CACNB2: variants seen among roughly 807,000 people sequenced by gnomAD.
CACNB2 encodes the protein calcium voltage-gated channel auxiliary subunit beta 2.
CACNB2 carries 42 observed loss-of-function variants against 73.3 expected under a neutral mutation model. That is an observed-to-expected ratio of 0.57 (90% CI 0.45 to 0.74). The LOEUF (loss-of-function observed/expected upper bound fraction) is 0.74, where lower values mean the gene tolerates loss of function less well. CACNB2 is among the 30% of genes least tolerant of loss of function. CACNB2 has a pLI of 0.00. For synonymous variants in CACNB2, 348 were observed against 310.3 expected (o/e 1.12, Z -1.28); for missense variants, 940 against 853.0 (o/e 1.10, Z -1.27).
chr10:18,524,654 TA>T (rs35663592), intron 9 of CACNB2, among the ~76,000 whole-genome samples: 65,257 of 116,818 alleles, frequency 0.56, 17,723 homozygotes, highest in East Asian at 0.85. Context: ...GACTCTATCT[TA>T]AAAAAAAAAA....
At chr10:18,216,893 C>T (rs1173132905) in intron 2 of CACNB2, among the ~76,000 whole-genome samples, 1 of 152,148 alleles carries the variant, frequency 6.6e-6, no homozygotes, top group Non-Finnish European at 1.5e-5. Flanking sequence ...CATGTGAGAC[C>T]AGGTCAGAAT....
At chr10:18,171,462 G>A (rs1376715963) in intron 2 of CACNB2, among the ~76,000 whole-genome samples, 1 of 131,848 alleles carries the variant, frequency 7.6e-6, no homozygotes, top group East Asian at 2.4e-4. Flanking sequence ...ATTTCCCCAT[G>A]CAGGCAGCAA....
intron 2 of CACNB2, among the ~76,000 whole-genome samples, chr10:18,169,401 G>A (rs772937186): frequency 6.6e-6 from 1 of 152,024 alleles, no homozygotes; most frequent in African/African-American, 2.4e-5. Flanking sequence ...ATTACAAAAG[G>A]CATATAATAC....
chr10:18,409,420 G>T (rs1234924433), intron 3 of CACNB2, among the ~76,000 whole-genome samples: 8 of 151,998 alleles, frequency 5.3e-5, no homozygotes, highest in African/African-American at 1.9e-4. Flanking sequence ...CTACAGATAT[G>T]AACCACTGTG....
At chr10:18,221,805 A>G (rs1364206647) in intron 2 of CACNB2, among the ~76,000 whole-genome samples, 1 of 152,182 alleles carries the variant, frequency 6.6e-6, no homozygotes. Context: ...CCTCTAGTAT[A>G]GTTTTCTTTT....
At chr10:18,323,198 A>C (rs1043706517) in intron 2 of CACNB2, among the ~76,000 whole-genome samples, 4 of 151,764 alleles carry the variant, frequency 2.6e-5, no homozygotes, top group Non-Finnish European at 4.4e-5. Flanking sequence ...GGCTCATGCA[A>C]TCCTCTCGCC....
chr10:18,387,697 T>C (rs1022377632), intron 2 of CACNB2, among the ~76,000 whole-genome samples: 3 of 151,982 alleles, frequency 2.0e-5, no homozygotes, highest in African/African-American at 7.3e-5. Context: ...TGTGAGACTG[T>C]GGTCACCCTC....
intron 2 of CACNB2, among the ~76,000 whole-genome samples, chr10:18,251,238 C>T (rs1438281779): frequency 3.3e-5 from 5 of 151,776 alleles, no homozygotes; most frequent in South Asian, 2.1e-4. Context: ...GCAAGTCTCT[C>T]GGCTCTTTTT....
intron 2 of CACNB2, among the ~76,000 whole-genome samples, chr10:18,301,286 G>A (rs182109585): frequency 6.6e-6 from 1 of 152,252 alleles, no homozygotes; most frequent in East Asian, 1.9e-4. Flanking sequence ...GCCCCAACAG[G>A]TGAATGACAT....
intron 1 of CACNB2, among the ~76,000 whole-genome samples, chr10:18,143,861 T>C (rs2030689037): frequency 6.6e-6 from 1 of 152,208 alleles, no homozygotes; most frequent in Admixed American, 6.5e-5. Flanking sequence ...TTAGGAATCA[T>C]TCTACCTCAC....
intron 2 of CACNB2, among the ~76,000 whole-genome samples, chr10:18,202,228 A>G (rs1239269826): frequency 6.6e-6 from 1 of 152,174 alleles, no homozygotes; most frequent in Non-Finnish European, 1.5e-5. Context: ...CCATCACAGT[A>G]TTGCTGGAGA....
chr10:18,474,094 CA>C (rs1255858662), intron 3 of CACNB2, among the ~76,000 whole-genome samples: 2 of 152,174 alleles, frequency 1.3e-5, no homozygotes, highest in African/African-American at 4.8e-5. Flanking sequence ...AAATTTCTCA[CA>C]TAGAAAATGG....
intron 3 of CACNB2, among the ~76,000 whole-genome samples, chr10:18,493,312 G>C (rs901704519): frequency 6.6e-6 from 1 of 152,080 alleles, no homozygotes; most frequent in Admixed American, 6.6e-5. Flanking sequence ...GGGATTACAG[G>C]TCTGGCCACC....
At chr10:18,445,649 C>A (rs2046696853) in intron 3 of CACNB2, among the ~76,000 whole-genome samples, 1 of 152,284 alleles carries the variant, frequency 6.6e-6, no homozygotes, top group South Asian at 2.1e-4. Context: ...GACGGAAGGC[C>A]AGATGTAACA....
intron 3 of CACNB2, among the ~76,000 whole-genome samples, chr10:18,484,880 C>T (rs1439264058): frequency 1.3e-5 from 2 of 152,244 alleles, no homozygotes; most frequent in East Asian, 1.9e-4. Flanking sequence ...CCTGGCTGGG[C>T]GCGATGGCTC....
intron 3 of CACNB2, among the ~76,000 whole-genome samples, chr10:18,408,317 C>T (rs1164656322): frequency 6.9e-5 from 10 of 144,076 alleles, no homozygotes; most frequent in African/African-American, 2.3e-4. Context: ...CAGCCCACTG[C>T]AGCCTCTTCC....
chr10:18,140,911 G>A (rs1295766435), intron 1 of CACNB2, 55 bp downstream of exon 1: 1 of 1,553,316 alleles, frequency 6.4e-7, no homozygotes, highest in South Asian at 1.2e-5. Flanking sequence ...GCAGGGCACC[G>A]ACCTCGGGTT....
chr10:18,527,747 T>C (rs551949739), intron 10 of CACNB2, 50 bp downstream of exon 10: 29 of 1,149,912 alleles, frequency 2.5e-5, no homozygotes, highest in Middle Eastern at 3.8e-4. Context: ...TCTCCCGATG[T>C]TGATGATGAG....
rs1190416414 is a variant in CACNB2 at position 18,541,295 on chromosome 10, A to ATGTT, written c.*1572_*1575dup. ...AATGGGGTGACTTGAAGTGAATAAA[A>ATGTT]TGTTAAGAATATTATCCTACATAAG... On this transcript the variant is annotated 3_prime_UTR_variant, in exon 14 of 14. Transcript: ENST00000324631. The ATGTT allele has an allele frequency of 8.5e-5, 13 of 152,764 alleles. No homozygotes were observed. The highest frequency in any genetic ancestry group is 3.1e-4 in the African/African-American group (13 of 41,584). The allele number at this position is 152,764 out of a possible 1,614,324, so 9.5% of individuals were successfully genotyped here.
Sources: gnomAD v4.1 joint callset for allele counts (sites outside exome capture counted in the v4.1 genomes callset) on GRCh38, gnomAD v4.1.1 for gene constraint, MANE v1.5 for transcripts, NCBI Gene and HGNC (gene_info 2026-07-23, HGNC 2026-07-21) for gene names.